MIPOL1: variants seen among roughly 807,000 people sequenced by gnomAD.
The protein encoded by MIPOL1 is mirror-image polydactyly gene 1 protein.
Under a neutral mutation model 60.9 loss-of-function variants are expected in MIPOL1, and 57 were observed. The observed-to-expected ratio is 0.94, with a 90% CI of 0.76 to 1.17. The LOEUF (loss-of-function observed/expected upper bound fraction) is 1.17. Among genes scored for constraint, MIPOL1 ranks in the 50% most tolerant of loss-of-function variants. The pLI is 0.00. For synonymous variants in MIPOL1, 179 were observed against 168.8 expected (o/e 1.06, Z -0.47); for missense variants, 551 against 511.6 (o/e 1.08, Z -0.74).
chr14:37,470,740 C>G (rs2094675680), intron 11 of MIPOL1, among the ~76,000 whole-genome samples: 1 of 151,972 alleles, frequency 6.6e-6, no homozygotes, highest in African/African-American at 2.4e-5. Flanking sequence ...TGAGAAGACA[C>G]AAGTTAAAGG....
intron 1 of MIPOL1, among the ~76,000 whole-genome samples, chr14:37,206,628 G>T (rs1966134570): frequency 6.6e-6 from 1 of 152,196 alleles, no homozygotes; most frequent in Non-Finnish European, 1.5e-5. Flanking sequence ...TCCTGGAAAA[G>T]CCTCAGACAC....
chr14:37,468,969 T>G (rs1226407533), intron 11 of MIPOL1, among the ~76,000 whole-genome samples: 1 of 152,104 alleles, frequency 6.6e-6, no homozygotes, highest in African/African-American at 2.4e-5. Context: ...AAGAAAAGCT[T>G]TGTAAATGAG....
intron 11 of MIPOL1, among the ~76,000 whole-genome samples, chr14:37,496,846 C>G (rs939268658): frequency 6.6e-6 from 1 of 152,100 alleles, no homozygotes; most frequent in Non-Finnish European, 1.5e-5. Context: ...ATCGCCAAGT[C>G]AATCCTAAGC....
intron 12 of MIPOL1, among the ~76,000 whole-genome samples, chr14:37,531,552 G>A (rs2095479383): frequency 6.6e-6 from 1 of 151,984 alleles, no homozygotes; most frequent in South Asian, 2.1e-4. Flanking sequence ...TATTATCTAG[G>A]TGATTTACTC....
intron 9 of MIPOL1, among the ~76,000 whole-genome samples, chr14:37,328,655 C>A (rs1227154637): frequency 6.6e-6 from 1 of 152,134 alleles, no homozygotes; most frequent in Non-Finnish European, 1.5e-5. Context: ...ATGTCAGTAA[C>A]AGACAGTTTT....
intron 10 of MIPOL1, among the ~76,000 whole-genome samples, chr14:37,375,569 G>A (rs955091246): frequency 6.6e-6 from 1 of 152,036 alleles, no homozygotes; most frequent in South Asian, 2.1e-4. Context: ...CATTGAAAGT[G>A]AATCTTCCTT....
At chr14:37,451,960 G>T (rs1399295778) in intron 11 of MIPOL1, among the ~76,000 whole-genome samples, 3 of 150,552 alleles carry the variant, frequency 2.0e-5, no homozygotes, top group African/African-American at 7.4e-5. Flanking sequence ...GACTACAGGC[G>T]CCCGCCATCA....
intron 1 of MIPOL1, among the ~76,000 whole-genome samples, chr14:37,233,073 A>G (rs1293350225): frequency 6.6e-6 from 1 of 152,160 alleles, no homozygotes; most frequent in Non-Finnish European, 1.5e-5. Context: ...AGTCTTTTGG[A>G]AGAGAGCACC....
chr14:37,210,382 C>T (rs530609827), intron 1 of MIPOL1, among the ~76,000 whole-genome samples: 15 of 152,056 alleles, frequency 9.9e-5, no homozygotes, highest in African/African-American at 1.7e-4. Context: ...ATTGCTGGAG[C>T]GGCTCACAGA....
At chr14:37,448,946 A>T (rs1259424561) in intron 11 of MIPOL1, among the ~76,000 whole-genome samples, 1 of 152,116 alleles carries the variant, frequency 6.6e-6, no homozygotes, top group Non-Finnish European at 1.5e-5. Context: ...CTTCAAGTTT[A>T]AGTTCTTCAG....
intron 12 of MIPOL1, among the ~76,000 whole-genome samples, chr14:37,520,984 T>C (rs538035688): frequency 8.3e-4 from 116 of 139,216 alleles, no homozygotes; most frequent in Middle Eastern, 3.9e-3. Context: ...TCACCCAGGC[T>C]GAAATGCAAT....
intron 10 of MIPOL1, among the ~76,000 whole-genome samples, chr14:37,402,375 T>C (rs1053371579): frequency 6.6e-6 from 1 of 152,000 alleles, no homozygotes; most frequent in Non-Finnish European, 1.5e-5. Context: ...AGTACTATAA[T>C]AGATGTATGC....
At chr14:37,335,319 A>G (rs1243025880) in intron 9 of MIPOL1, among the ~76,000 whole-genome samples, 1 of 152,082 alleles carries the variant, frequency 6.6e-6, no homozygotes, top group Admixed American at 6.6e-5. Flanking sequence ...ATTTTTACCT[A>G]TACAGTTCAG....
At chr14:37,325,925 A>T (rs1393290237) in intron 9 of MIPOL1, among the ~76,000 whole-genome samples, 2 of 152,176 alleles carry the variant, frequency 1.3e-5, no homozygotes, top group East Asian at 3.8e-4. Context: ...GACAAGTGGT[A>T]TCCATGTTAT....
At chr14:37,323,072 T>C (rs1040959804) in intron 9 of MIPOL1, among the ~76,000 whole-genome samples, 1 of 152,132 alleles carries the variant, frequency 6.6e-6, no homozygotes, top group African/African-American at 2.4e-5. Flanking sequence ...CTGAATGGTA[T>C]TGCCTAGGTT....
chr14:37,240,227 G>GA (rs1241818484), intron 1 of MIPOL1, among the ~76,000 whole-genome samples: 1 of 152,130 alleles, frequency 6.6e-6, no homozygotes, highest in African/African-American at 2.4e-5. Context: ...AGAAAATATG[G>GA]AAAATCGCTA....
chr14:37,324,077 C>T (rs12890261), intron 9 of MIPOL1, among the ~76,000 whole-genome samples: 1 of 151,814 alleles, frequency 6.6e-6, no homozygotes, highest in African/African-American at 2.4e-5. Context: ...TGGTTAGACA[C>T]CTAAGAGTGG....
At chr14:37,315,271 T>G (rs2153440074) in intron 9 of MIPOL1, among the ~76,000 whole-genome samples, 1 of 152,148 alleles carries the variant, frequency 6.6e-6, no homozygotes. Flanking sequence ...CAAGCTTAGG[T>G]TTTTAAAGTG....
intron 9 of MIPOL1, among the ~76,000 whole-genome samples, chr14:37,338,638 G>A (rs2090365689): frequency 6.6e-6 from 1 of 151,990 alleles, no homozygotes; most frequent in Non-Finnish European, 1.5e-5. Context: ...AGAAGTCCTG[G>A]CCTCAAGTGA....
Sources: allele counts gnomAD v4.1 joint callset (sites outside exome capture counted in the v4.1 genomes callset), GRCh38; gene constraint gnomAD v4.1.1; transcripts MANE v1.5; gene names NCBI Gene and HGNC (gene_info 2026-07-23, HGNC 2026-07-21).